The following GSE1 variants were observed in gnomAD, a reference collection of about 807,000 sequenced individuals.
GSE1 encodes the protein genetic suppressor element 1.
Under a neutral mutation model 112.6 loss-of-function variants are expected in GSE1, and 32 were observed. The observed-to-expected ratio is 0.28, with a 90% CI of 0.21 to 0.38. GSE1 has a LOEUF of 0.38. Among genes scored for constraint, GSE1 ranks in the 10% least tolerant of loss-of-function variants. The pLI is 1.00. For missense variants in GSE1, 2,348 were observed against 1,699.2 expected (o/e 1.38, Z -6.71); for synonymous variants, 1,115 against 735.6 (o/e 1.52, Z -8.35).
At chr16:85,306,866 C>T (rs1567677317) in intron 1 of GSE1, among the ~76,000 whole-genome samples, 2 of 152,248 alleles carry the variant, frequency 1.3e-5, no homozygotes, top group East Asian at 1.9e-4. Context: ...AGGCCCCAAA[C>T]GGTTTGAACC....
intron 2 of GSE1, among the ~76,000 whole-genome samples, chr16:85,646,459 C>T (rs1346254903): frequency 6.6e-6 from 1 of 152,238 alleles, no homozygotes; most frequent in Non-Finnish European, 1.5e-5. Flanking sequence ...TGTGCCTGCT[C>T]CTGCTGGAAC....
chr16:85,456,579 CGTGTGT>C (rs35279881), intron 2 of GSE1, among the ~76,000 whole-genome samples: 8,410 of 91,370 alleles, frequency 0.092, 433 homozygotes, highest in Admixed American at 0.13. Flanking sequence ...ATTTTCCTGC[CGTGTGT>C]GTGTGTGTGT....
intron 2 of GSE1, among the ~76,000 whole-genome samples, chr16:85,460,532 C>G (rs975794608): frequency 4.6e-5 from 7 of 152,174 alleles, no homozygotes; most frequent in African/African-American, 1.4e-4. Flanking sequence ...AAGCCCAGCA[C>G]TTCGTTTCAA....
At chr16:85,291,853 C>G (rs181375342) in intron 1 of GSE1, among the ~76,000 whole-genome samples, 1 of 152,222 alleles carries the variant, frequency 6.6e-6, no homozygotes, top group Non-Finnish European at 1.5e-5. Context: ...ACACTCGTCC[C>G]TCTCACCACA....
chr16:85,508,312 G>A (rs995842878), intron 2 of GSE1, among the ~76,000 whole-genome samples: 2 of 152,180 alleles, frequency 1.3e-5, no homozygotes, highest in South Asian at 2.1e-4. Flanking sequence ...GGGATTACAG[G>A]CAGGAGCCAC....
intron 2 of GSE1, among the ~76,000 whole-genome samples, chr16:85,501,845 C>T (rs74613430): frequency 0.023 from 3,545 of 152,344 alleles, 129 homozygotes; most frequent in African/African-American, 0.079. Context: ...GCCCTGCCTC[C>T]ACCCCTCATT....
chr16:85,615,238 C>T lies in GSE1; in HGVS notation c.7+1840C>T, dbSNP rs560930493. ...AGGTGAGGGGCCCAGGGCGCAGGCT[C>T]CGACGGCGAAGTGTGTCATCCCGGC... On this transcript the variant is annotated intron_variant, in intron 1 of 15. Coordinates refer to ENST00000253458, the MANE Select transcript of GSE1 (RefSeq NM_014615.5). Among the ~76,000 whole-genome samples, 331 of 152,358 alleles carry T rather than the reference C, an allele frequency of 2.2e-3. 8 individuals are homozygous for T. In the South Asian group the frequency reaches 0.035, roughly 16 times the overall value.
At position 85,171,721 on chromosome 16, in the gene GSE1, G is replaced by A. The variant is rs556688361; in HGVS notation, c.2197G>A (p.Glu733Lys). The A allele has an allele frequency of 2.1e-3, 2,118 of 985,674 alleles. 2 individuals are homozygous for A. The highest frequency in any genetic ancestry group is 2.3e-3 in the Non-Finnish European group (1,940 of 830,110). The allele number at this position is 985,674 out of a possible 1,614,324, so 61.1% of individuals were successfully genotyped here. ...GCAGCTGATCATCGGTGCTTGCGTGGAGTGTGGGACCCTGGTGTGTGCGGG... is the reference window on the plus strand; with the variant it reads ...GCAGCTGATCATCGGTGCTTGCGTGAAGTGTGGGACCCTGGTGTGTGCGGG... The change falls in exon 1 of 3, where the codon GAG (glutamate) becomes AAG (lysine). Residue 733 changes from glutamate to lysine, a missense_variant. By Grantham distance (56) the Glu-to-Lys change is moderately conservative. Coordinates refer to the GSE1 transcript ENST00000637419.
intron 14 of GSE1, 106 bp downstream of exon 14, chr16:85,668,530 C>G (rs1453370733): frequency 5.5e-5 from 42 of 758,270 alleles, no homozygotes; most frequent in Admixed American, 3.3e-4. Flanking sequence ...GGGACTGTTT[C>G]TCCGTCCTGG....
chr16:85,444,046 G>A (rs1230331087), intron 2 of GSE1, among the ~76,000 whole-genome samples: 2 of 145,552 alleles, frequency 1.4e-5, no homozygotes, highest in South Asian at 2.2e-4. Context: ...GTACAGTGGC[G>A]TGATCTTGGC....
At chr16:85,271,119 C>T (rs1327236334) in intron 1 of GSE1, among the ~76,000 whole-genome samples, 2 of 152,096 alleles carry the variant, frequency 1.3e-5, no homozygotes, top group Admixed American at 6.5e-5. Flanking sequence ...AGGTGAATGC[C>T]CCGGGGAGGA....
At chr16:85,664,363 A>G (rs975218904) in intron 11 of GSE1, among the ~76,000 whole-genome samples, 4 of 148,214 alleles carry the variant, frequency 2.7e-5, no homozygotes, top group Non-Finnish European at 4.5e-5. Context: ...GGTGTTGATC[A>G]GGGTGTAGCC....
intron 1 of GSE1, among the ~76,000 whole-genome samples, chr16:85,224,381 T>C (rs370331794): frequency 6.8e-6 from 1 of 146,872 alleles, no homozygotes; most frequent in African/African-American, 2.6e-5. Flanking sequence ...AAAAAAAAAT[T>C]CTCGATCTGG....
chr16:85,563,293 TTAC>T (rs750175210), intron 1 of GSE1, among the ~76,000 whole-genome samples: 9 of 152,066 alleles, frequency 5.9e-5, no homozygotes, highest in Non-Finnish European at 5.9e-5. Flanking sequence ...GCTCGTAAAA[TTAC>T]TAAGTGTGGC....
At chr16:85,572,464 A>AACAG (rs1555535358) in intron 1 of GSE1, among the ~76,000 whole-genome samples, 1 of 148,056 alleles carries the variant, frequency 6.8e-6, no homozygotes, top group Non-Finnish European at 1.5e-5. Context: ...CCACACACAC[A>AACAG]ACACACATCA....
intron 2 of GSE1, among the ~76,000 whole-genome samples, chr16:85,515,403 G>T (rs1788411437): frequency 6.6e-6 from 1 of 152,250 alleles, no homozygotes; most frequent in Non-Finnish European, 1.5e-5. Context: ...GCTGGCAGTG[G>T]GTGAGGAAGA....
At chr16:85,530,000 C>G (rs2044087155) in intron 2 of GSE1, among the ~76,000 whole-genome samples, 1 of 152,224 alleles carries the variant, frequency 6.6e-6, no homozygotes, top group East Asian at 1.9e-4. Flanking sequence ...TGCTGTTCCC[C>G]TTTGCCCAGC....
intron 1 of GSE1, among the ~76,000 whole-genome samples, chr16:85,273,027 C>T (rs546453616): frequency 2.6e-5 from 4 of 152,340 alleles, no homozygotes; most frequent in East Asian, 1.9e-4. Context: ...CTGCCCGCCT[C>T]GGCCTCCCAC....
chr16:85,502,419 C>G (rs972065463), intron 2 of GSE1, among the ~76,000 whole-genome samples: 1 of 152,210 alleles, frequency 6.6e-6, no homozygotes, highest in African/African-American at 2.4e-5. Flanking sequence ...GGAAGCAGGA[C>G]TCCTCCCATT....
Sources: allele counts gnomAD v4.1 joint callset (sites outside exome capture counted in the v4.1 genomes callset), GRCh38; gene constraint gnomAD v4.1.1; transcripts MANE v1.5; gene names NCBI Gene and HGNC (gene_info 2026-07-23, HGNC 2026-07-21).